SLC51A: variants seen among roughly 807,000 people sequenced by gnomAD.
The protein encoded by SLC51A is solute carrier family 51 member A.
A neutral mutation model predicts 34.8 loss-of-function variants in SLC51A; 22 were observed. The ratio of observed to expected loss-of-function variants is 0.63; its 90% confidence interval spans 0.45 to 0.90. The LOEUF is 0.90. Among genes scored for constraint, SLC51A ranks in the 40% least tolerant of loss-of-function variants. SLC51A has a pLI of 0.00. For missense variants in SLC51A, 371 were observed against 414.8 expected, an observed-to-expected ratio of 0.89 and a Z score of 0.92; for synonymous variants, 181 against 176.3, an observed-to-expected ratio of 1.03 and a Z score of -0.21.
chr3:196,233,259 T>C lies in SLC51A; in HGVS notation c.*60T>C. 2 of 1,584,110 alleles carry C rather than the reference T, an allele frequency of 1.3e-6. No homozygotes were observed. The highest frequency in any genetic ancestry group is 1.1e-5 in the South Asian group (1 of 87,180). On this transcript the variant is annotated 3_prime_UTR_variant, in exon 9 of 9. Coordinates refer to ENST00000296327, the MANE Select transcript of SLC51A (RefSeq NM_152672.6). ...TCATTAGAATACAAGATTCCTTTAC[T>C]GTCCCTCAACCTTGACCAAATGGGA...
rs1045399 is a variant in SLC51A at position 196,228,115 on chromosome 3, G to T, written c.363G>T (p.Ser121=). 1.2e-6 allele frequency: 2 copies of T among 1,613,092 alleles called. No homozygotes were observed. Among genetic ancestry groups the T allele is most frequent in the Non-Finnish European group, 1.7e-6 (2 of 1,179,520 alleles). The change falls in exon 5 of 9, where the codon TCG becomes TCT. Residue 121 remains serine (S), a splice_region_variant and synonymous_variant. Transcript: ENST00000296327. This position sits in a 1 kb window ranked among gnomAD's most constrained non-coding sequence, Gnocchi z 4.9. ...SLVLVEMTIT[S]FYAVCFYLLM... is the part of the protein sequence containing the mutation. ...AGGCCCTCTTCTCTCCCCACCCCAG[G>T]TTTTATGCCGTGTGCTTTTACCTGC...
At chr3:196,226,811 A>G (rs1723904971) in intron 2 of SLC51A, among the ~76,000 whole-genome samples, 154 bp from the exon 3 acceptor site, 1 of 150,218 alleles carries the variant, frequency 6.7e-6, no homozygotes, top group African/African-American at 2.4e-5. Flanking sequence ...AAAAAAGACT[A>G]TTTCTTAGGT....
intron 3 of SLC51A, 158 bp downstream of exon 3, chr3:196,227,277 A>T (rs1723922002): frequency 1.4e-6 from 1 of 710,564 alleles, no homozygotes; most frequent in Admixed American, 2.8e-5. Context: ...TGCAGTTAGG[A>T]TCCTCTGCTT....
In SLC51A at chr3:196,232,406, T is replaced by C. The variant is rs772310459; in HGVS notation, c.781-13T>C. 6.2e-7 allele frequency: 1 copy of C among 1,609,860 alleles called. No individual in the cohort carries two copies. Among genetic ancestry groups the C allele is most frequent in the South Asian group, 1.1e-5 (1 of 90,988 alleles). On this transcript the variant is annotated splice_polypyrimidine_tract_variant and intron_variant, in intron 7 of 8. Coordinates refer to ENST00000296327, the MANE Select transcript of SLC51A (RefSeq NM_152672.6). ...GGCCCAGTCCACCCTTGCCTCTCTT[T>C]TATGTTCCGCAGGTTCTCCTCATCC...
At chr3:196,220,893 T>TC (rs1553825352) in intron 2 of SLC51A, among the ~76,000 whole-genome samples, 1 of 145,000 alleles carries the variant, frequency 6.9e-6, no homozygotes, top group African/African-American at 2.6e-5. Flanking sequence ...AATTTTTCTT[T>TC]TTTTTTTTTT....
chr3:196,224,007 C>G, intron 2 of SLC51A: 1 of 293,394 alleles, frequency 3.4e-6, no homozygotes, highest in South Asian at 2.7e-5. Context: ...TACAGGTACT[C>G]GCCACCATGC....
In SLC51A at chr3:196,226,952, T is replaced by TCTC. The variant is rs925691713; in HGVS notation, c.134-6_134-4dup. ...AGTCCCGGTCGTCAGCTCTCTGCCT[T>TCTC]CTCCTCCTCTAGCCCTGGGCCCTGT... On this transcript the variant is annotated splice_polypyrimidine_tract_variant and intron_variant, in intron 2 of 8. Coordinates refer to ENST00000296327, the MANE Select transcript of SLC51A (RefSeq NM_152672.6). 5 of 1,605,338 alleles carry TCTC rather than the reference T, an allele frequency of 3.1e-6. No individual in the cohort carries two copies. The Admixed American group carries it at 8.5e-5, about 27-fold the overall frequency.
In SLC51A at chr3:196,227,137, G is replaced by C. The variant is rs1176367510; in HGVS notation, c.288+18G>C. On this transcript the variant is annotated intron_variant, in intron 3 of 8. Transcript: ENST00000296327. The stretch of plus-strand genomic sequence containing the variant: ...CACCCACGGTGAGGCCCCCGGGGCT[G>C]CCCTGTGGGGGGAACTGAAAAGAAG... The C allele has an allele frequency of 6.2e-7, 1 of 1,610,522 alleles. No individual in the cohort carries two copies. The highest frequency in any genetic ancestry group is 2.2e-5 in the East Asian group (1 of 44,864).
Position 196,228,365 on chromosome 3 carries a change from A to C in SLC51A, c.521+92A>C. Reference sequence around the variant, plus strand: ...AAGGCTCTGGGAATTAGGCGTGAATAGGCCAAAGCCAGTGACGGAAGGGTG... The same window carrying C: ...AAGGCTCTGGGAATTAGGCGTGAATCGGCCAAAGCCAGTGACGGAAGGGTG... On this transcript the variant is annotated intron_variant, in intron 5 of 8. Transcript: ENST00000296327. This position sits in a 1 kb window ranked among gnomAD's most constrained non-coding sequence, Gnocchi z 4.9. 1 of 1,461,862 alleles carries C rather than the reference A, an allele frequency of 6.8e-7. No homozygotes were observed. Among genetic ancestry groups the C allele is most frequent in the Admixed American group, 2.5e-5 (1 of 40,132 alleles). The allele number at this position is 1,461,862 out of a possible 1,614,324, so 90.6% of individuals were successfully genotyped here. A position where few individuals can be genotyped will look rare whatever the true frequency, so the allele number is the denominator to read the frequency against.
intron 2 of SLC51A, among the ~76,000 whole-genome samples, chr3:196,218,579 T>C (rs1008088119): frequency 6.6e-5 from 10 of 152,206 alleles, no homozygotes; most frequent in Non-Finnish European, 1.5e-4. Context: ...TAAGTCATAA[T>C]TGTCCACTGA....
At position 196,216,624 on chromosome 3, in the gene SLC51A, CA is replaced by C; in HGVS notation, c.-87del. The C allele has an allele frequency of 1.5e-6, 2 of 1,349,634 alleles. No individual in the cohort carries two copies. The highest frequency in any genetic ancestry group is 2.1e-6 in the Non-Finnish European group (2 of 971,032). The allele number at this position is 1,349,634 out of a possible 1,614,324, so 83.6% of individuals were successfully genotyped here. On this transcript the variant is annotated 5_prime_UTR_variant, in exon 1 of 9. Transcript: ENST00000296327. The surrounding 1 kb of genome is among the most constrained non-coding windows in gnomAD (Gnocchi z 4.5). ...TGCTTGCCCCCCACCCCGGCCCAGG[CA>C]AGCCACCCTGCCCCCGGCCCCCACC...
At chr3:196,217,607 G>C (rs1723625214) in intron 1 of SLC51A, among the ~76,000 whole-genome samples, 1 of 150,436 alleles carries the variant, frequency 6.6e-6, no homozygotes, top group Admixed American at 6.6e-5. Context: ...AAGGAAGAGA[G>C]AAAGAGAAAG....
At chr3:196,217,117 C>T (rs1303748434) in intron 1 of SLC51A, among the ~76,000 whole-genome samples, 1 of 152,262 alleles carries the variant, frequency 6.6e-6, no homozygotes, top group Non-Finnish European at 1.5e-5. Flanking sequence ...TGCTGCCCGA[C>T]CCGCATGGAG....
intron 7 of SLC51A, among the ~76,000 whole-genome samples, chr3:196,230,658 A>C (rs1724012583): frequency 6.6e-6 from 1 of 151,746 alleles, no homozygotes; most frequent in African/African-American, 2.4e-5. Context: ...CTAATTTTGC[A>C]TTTTTAGTAG....
At position 196,228,893 on chromosome 3, in the gene SLC51A, C is replaced by T; in HGVS notation, c.606C>T (p.Val202=). ...TGACCCTGGTGGGCCTGTTTCTCGTCCCCGACGGCATCTATGACCCAGCAG... is the reference window on the plus strand; with the variant it reads ...TGACCCTGGTGGGCCTGTTTCTCGTTCCCGACGGCATCTATGACCCAGCAG... ...ITLTLVGLFL[V]PDGIYDPADI... is the part of the protein sequence containing the mutation. Residue 202 remains valine, a synonymous_variant, in exon 6 of 9, where the codon GTC becomes GTT. Coordinates refer to ENST00000296327, the MANE Select transcript of SLC51A (RefSeq NM_152672.6). This position sits in a 1 kb window ranked among gnomAD's most constrained non-coding sequence, Gnocchi z 4.9. 1 of 1,614,074 alleles carries T rather than the reference C, an allele frequency of 6.2e-7. No homozygotes were observed. The highest frequency in any genetic ancestry group is 2.2e-5 in the East Asian group (1 of 44,880).
intron 1 of SLC51A, 37 bp from the exon 2 acceptor site, chr3:196,217,804 GC>G: frequency 6.3e-7 from 1 of 1,590,768 alleles, no homozygotes; most frequent in Non-Finnish European, 8.6e-7. Flanking sequence ...CCTTCCCCCA[GC>G]CCCCATGGTT....
At chr3:196,229,020 A>G (rs1196658823) in intron 6 of SLC51A, 100 bp downstream of exon 6, 4 of 1,001,424 alleles carry the variant, frequency 4.0e-6, no homozygotes, top group Non-Finnish European at 6.2e-6. Context: ...AGAGGGCCCC[A>G]GAAAAGGGTG....
chr3:196,224,734 GAGAGGGGAGA>G (rs1372989416), intron 2 of SLC51A, among the ~76,000 whole-genome samples: 2 of 96,978 alleles, frequency 2.1e-5, no homozygotes, highest in South Asian at 5.5e-4. Flanking sequence ...GAGAGGGGAG[GAGAGGGGAGA>G]GGGGAGGGAA....
At chr3:196,226,179 G>A (rs754954402) in intron 2 of SLC51A, among the ~76,000 whole-genome samples, 7 of 152,084 alleles carry the variant, frequency 4.6e-5, no homozygotes, top group South Asian at 2.1e-4. Context: ...TTAGCCGGCC[G>A]TGGTGGGGGT....
Sources: gnomAD v4.1 joint callset for allele counts (sites outside exome capture counted in the v4.1 genomes callset) on GRCh38, gnomAD v4.1.1 for gene constraint, Gnocchi (gnomAD v3.1) non-coding constraint, MANE v1.5 for transcripts, NCBI Gene and HGNC (gene_info 2026-07-23, HGNC 2026-07-21) for gene names.